DGKB: variants seen among roughly 807,000 people sequenced by gnomAD.
DGKB encodes the protein 90 kDa diacylglycerol kinase.
Under a neutral mutation model 114.3 loss-of-function variants are expected in DGKB, and 67 were observed. That is an observed-to-expected ratio of 0.59 (90% confidence interval 0.48 to 0.72). The LOEUF is 0.72. Ranked by LOEUF, DGKB falls within the 30% of genes least tolerant of loss-of-function variation. DGKB has a pLI of 0.00. For synonymous variants in DGKB, 398 were observed against 323.1 expected, an observed-to-expected ratio of 1.23 and a Z score of -2.49; for missense variants, 907 against 975.2, an observed-to-expected ratio of 0.93 and a Z score of 0.93.
At chr7:14,512,025 T>C (rs1788052824) in intron 20 of DGKB, among the ~76,000 whole-genome samples, 3 of 151,472 alleles carry the variant, frequency 2.0e-5, no homozygotes, top group Non-Finnish European at 4.4e-5. Flanking sequence ...GATATAATAA[T>C]GAAAATATTT....
At position 14,148,050 on chromosome 7, in the gene DGKB, C is replaced by CAA. The variant is rs1384751298; in HGVS notation, c.*1079_*1080dup. 3 of 152,084 alleles carry CAA rather than the reference C, an allele frequency of 2.0e-5. No individual in the cohort carries two copies. The highest frequency in any genetic ancestry group is 7.2e-5 in the African/African-American group (3 of 41,448). The allele number at this position is 152,084 out of a possible 1,614,324, so 9.4% of individuals were successfully genotyped here. A position where few individuals can be genotyped will look rare whatever the true frequency, so the allele number is the denominator to read the frequency against. ...AACTGATACAATCATTTACTTCCTT[C>CAA]AAGTGTACTTAACTGATCCATGAAA... is the stretch of plus-strand genomic sequence containing the variant. On this transcript the variant is annotated 3_prime_UTR_variant, in exon 26 of 26. Coordinates refer to ENST00000402815, the MANE Select transcript of DGKB (RefSeq NM_001350709.2).
chr7:14,436,540 T>C (rs940575307), intron 21 of DGKB, among the ~76,000 whole-genome samples: 2 of 152,028 alleles, frequency 1.3e-5, no homozygotes, highest in African/African-American at 4.8e-5. Context: ...CAAGTTGCTA[T>C]AGTTGTGACC....
chr7:14,852,575 T>C (rs192932556), intron 1 of DGKB, among the ~76,000 whole-genome samples: 4 of 146,634 alleles, frequency 2.7e-5, no homozygotes, highest in Admixed American at 6.8e-5. Flanking sequence ...TTGTAGGACA[T>C]GTTTTGTTAT....
chr7:14,847,382 A>G (rs1242179365), intron 1 of DGKB, among the ~76,000 whole-genome samples: 1 of 152,230 alleles, frequency 6.6e-6, no homozygotes. Flanking sequence ...TCCAACAGAA[A>G]AAAATCCTAG....
Position 14,345,187 on chromosome 7 carries a change from G to A in DGKB, c.1926+114C>T. The A allele has an allele frequency of 5.0e-6, 3 of 600,438 alleles. No homozygotes were observed. The Admixed American group carries it at 9.6e-5, about 19-fold the overall frequency. 37.2% of individuals were successfully genotyped at this position (600,438 alleles called of 1,614,324 possible). On this transcript the variant is annotated intron_variant, in intron 22 of 25. Transcript: ENST00000402815. ...AATGACAATTTAAAATCTTGAGTAAGTCTCTGTGGATTGCTAATATATATT... is the reference window on the plus strand; with the variant it reads ...AATGACAATTTAAAATCTTGAGTAAATCTCTGTGGATTGCTAATATATATT...
chr7:14,225,180 G>C (rs1282204354), intron 23 of DGKB, among the ~76,000 whole-genome samples: 2 of 152,044 alleles, frequency 1.3e-5, no homozygotes, highest in African/African-American at 2.4e-5. Flanking sequence ...CCTGTGGGAA[G>C]AGATATGGAG....
chr7:14,488,465 T>A (rs1222054185), intron 20 of DGKB, among the ~76,000 whole-genome samples: 2 of 152,016 alleles, frequency 1.3e-5, no homozygotes. Context: ...ACCAAGCAAA[T>A]TCCAGACTCA....
chr7:14,584,258 A>C (rs1800386466), intron 17 of DGKB, among the ~76,000 whole-genome samples: 1 of 152,200 alleles, frequency 6.6e-6, no homozygotes, highest in African/African-American at 2.4e-5. Flanking sequence ...ATCTCTTTTT[A>C]TGAATTTTTA....
chr7:14,415,999 A>G (rs1825675215), intron 21 of DGKB, among the ~76,000 whole-genome samples: 1 of 151,982 alleles, frequency 6.6e-6, no homozygotes, highest in African/African-American at 2.4e-5. Context: ...TGTGGTTTTG[A>G]TTTGCATTTC....
At chr7:14,896,673 CT>C (rs1005504020) in intron 1 of DGKB, among the ~76,000 whole-genome samples, 6 of 151,484 alleles carry the variant, frequency 4.0e-5, no homozygotes, top group African/African-American at 1.5e-4. Context: ...TATGAAATGG[CT>C]TGTATTTTCA....
At chr7:14,711,756 C>A (rs1209352656) in intron 6 of DGKB, among the ~76,000 whole-genome samples, 3 of 152,090 alleles carry the variant, frequency 2.0e-5, no homozygotes, top group Non-Finnish European at 2.9e-5. Context: ...TGTAAGCTCT[C>A]TTCCCCAACA....
At chr7:14,162,344 T>C (rs111582216) in intron 25 of DGKB, among the ~76,000 whole-genome samples, 3,965 of 152,308 alleles carry the variant, frequency 0.026, 175 homozygotes, top group African/African-American at 0.09. Flanking sequence ...GAGGAAGATA[T>C]TCAGTTTCGA....
At chr7:14,969,612 A>T (rs1195080974) in intron 1 of DGKB, among the ~76,000 whole-genome samples, 2 of 152,124 alleles carry the variant, frequency 1.3e-5, no homozygotes, top group African/African-American at 4.8e-5. Flanking sequence ...ATTGTAAACT[A>T]AGCATGCGAG....
intron 21 of DGKB, among the ~76,000 whole-genome samples, chr7:14,346,797 T>C (rs1338731366): frequency 1.3e-5 from 2 of 152,022 alleles, no homozygotes; most frequent in South Asian, 2.1e-4. Flanking sequence ...TATTTTGCTA[T>C]TGAGATTTAT....
chr7:14,641,641 A>G (rs937412889), intron 13 of DGKB, among the ~76,000 whole-genome samples: 8 of 152,092 alleles, frequency 5.3e-5, no homozygotes, highest in African/African-American at 1.9e-4. Context: ...GCTCCACCAG[A>G]TTTCATTTGT....
intron 1 of DGKB, among the ~76,000 whole-genome samples, chr7:14,936,185 T>C (rs541295845): frequency 2.0e-5 from 3 of 152,182 alleles, no homozygotes; most frequent in African/African-American, 7.2e-5. Context: ...TGGATAGAGA[T>C]TGGACTGTAC....
intron 13 of DGKB, among the ~76,000 whole-genome samples, chr7:14,661,274 A>G (rs1817009854): frequency 6.8e-6 from 1 of 147,286 alleles, no homozygotes; most frequent in Non-Finnish European, 1.5e-5. Flanking sequence ...GGCAACCTAC[A>G]GAATGGGAGA....
chr7:14,222,937 A>G (rs1286237987), intron 23 of DGKB, among the ~76,000 whole-genome samples: 2 of 151,632 alleles, frequency 1.3e-5, no homozygotes, highest in African/African-American at 4.8e-5. Context: ...TTTAAACTCT[A>G]TCAGTATAAC....
chr7:14,490,875 G>T (rs1197248122), intron 20 of DGKB, among the ~76,000 whole-genome samples: 2 of 151,260 alleles, frequency 1.3e-5, no homozygotes, highest in South Asian at 4.2e-4. Context: ...ACAAAACTTT[G>T]TATTTATATA....
Sources: allele counts gnomAD v4.1 joint callset (sites outside exome capture counted in the v4.1 genomes callset), GRCh38; gene constraint gnomAD v4.1.1; transcripts MANE v1.5; gene names NCBI Gene and HGNC (gene_info 2026-07-23, HGNC 2026-07-21).